The following DPF3 variants were observed in gnomAD, a reference collection of about 807,000 sequenced individuals.
DPF3 encodes zinc finger protein DPF3.
A neutral mutation model predicts 56.8 loss-of-function variants in DPF3; 18 were observed. That is an observed-to-expected ratio of 0.32 (90% confidence interval 0.22 to 0.47). DPF3 has a LOEUF of 0.47. Ranked by LOEUF, DPF3 falls within the 20% of genes least tolerant of loss-of-function variation. The pLI, the probability that DPF3 is intolerant of heterozygous loss-of-function variation, is 1.00. For missense variants in DPF3, 403 were observed against 488.8 expected (o/e 0.82, Z 1.65); for synonymous variants, 188 against 180.2 (o/e 1.04, Z -0.35).
intron 1 of DPF3, among the ~76,000 whole-genome samples, chr14:72,792,794 T>C (rs762506464): frequency 6.6e-6 from 1 of 152,124 alleles, no homozygotes; most frequent in Non-Finnish European, 1.5e-5. Flanking sequence ...TCTCCAGAGC[T>C]GACCTGAACC....
chr14:72,732,720 T>C (rs1031684005), intron 3 of DPF3, among the ~76,000 whole-genome samples: 1 of 152,166 alleles, frequency 6.6e-6, no homozygotes, highest in Non-Finnish European at 1.5e-5. Context: ...GAGCCAGCCC[T>C]GCCCAGAAGA....
At chr14:72,752,279 C>T (rs776231609) in intron 3 of DPF3, among the ~76,000 whole-genome samples, 5 of 152,170 alleles carry the variant, frequency 3.3e-5, no homozygotes, top group Admixed American at 6.5e-5. Context: ...AACAAAGATG[C>T]GTTTAAAGCT....
At chr14:72,768,357 A>G (rs1891376380) in intron 2 of DPF3, among the ~76,000 whole-genome samples, 1 of 152,214 alleles carries the variant, frequency 6.6e-6, no homozygotes, top group Non-Finnish European at 1.5e-5. Context: ...CAACTATATT[A>G]TAAAGGGAGG....
intron 1 of DPF3, among the ~76,000 whole-genome samples, chr14:72,879,565 AG>A (rs1443292149): frequency 3.3e-5 from 5 of 152,064 alleles, no homozygotes; most frequent in Non-Finnish European, 7.4e-5. Context: ...CACCAGGGAG[AG>A]GGACCACTTA....
intron 1 of DPF3, among the ~76,000 whole-genome samples, chr14:72,826,011 G>A (rs946960240): frequency 2.0e-5 from 3 of 152,010 alleles, no homozygotes; most frequent in African/African-American, 7.2e-5. Context: ...GGCAGGGGCG[G>A]GAAAGGAAGG....
intron 1 of DPF3, among the ~76,000 whole-genome samples, chr14:72,876,604 C>A (rs1052567953): frequency 2.0e-5 from 3 of 152,196 alleles, no homozygotes; most frequent in African/African-American, 7.2e-5. Flanking sequence ...TCCCATCTGG[C>A]CTTCCTTCCC....
intron 8 of DPF3, chr14:72,671,569 C>T: frequency 1.4e-6 from 1 of 706,500 alleles, no homozygotes; most frequent in Non-Finnish European, 2.6e-6. Context: ...TACCATAGTA[C>T]ATATGTCCAC....
At chr14:72,817,659 C>G (rs1199751208) in intron 1 of DPF3, among the ~76,000 whole-genome samples, 1 of 152,096 alleles carries the variant, frequency 6.6e-6, no homozygotes, top group East Asian at 1.9e-4. Flanking sequence ...GCCTGGGCAA[C>G]AGAGCAAGAC....
Position 72,750,791 on chromosome 14 carries a change from CAAAAAAA to C in DPF3, c.301+2466_301+2472del, listed in dbSNP as rs35754238. Among the ~76,000 whole-genome samples the C allele has an allele frequency of 1.2e-4, 8 of 65,948 alleles. No individual in the cohort carries two copies. The East Asian group carries it at 3.1e-3, about 26-fold the overall frequency. The allele number at this position is 65,948 out of a possible 152,430, so 43.3% of individuals were successfully genotyped here. A position where few individuals can be genotyped will look rare whatever the true frequency, so the allele number is the denominator to read the frequency against. The stretch of plus-strand genomic sequence containing the variant: ...CATGGATTATCTCTTGAAAGAATCT[CAAAAAAA>C]AAAAAAAAAAAAAAAAAAACCTGCT... On this transcript the variant is annotated intron_variant, in intron 3 of 10. Coordinates refer to ENST00000556509, the MANE Select transcript of DPF3 (RefSeq NM_001280542.3).
chr14:72,698,147 C>T (rs1401278619), intron 6 of DPF3, among the ~76,000 whole-genome samples: 1 of 152,204 alleles, frequency 6.6e-6, no homozygotes, highest in African/African-American at 2.4e-5. Context: ...CTTCCTAGGA[C>T]TAATCACGTG....
intron 8 of DPF3, among the ~76,000 whole-genome samples, chr14:72,636,590 C>A (rs1202079574): frequency 6.6e-6 from 1 of 152,122 alleles, no homozygotes; most frequent in Non-Finnish European, 1.5e-5. Context: ...AGGGATGGAC[C>A]AATTCTGAGC....
chr14:72,816,878 G>A (rs17181909), intron 1 of DPF3, among the ~76,000 whole-genome samples: 1 of 152,106 alleles, frequency 6.6e-6, no homozygotes, highest in East Asian at 1.9e-4. Flanking sequence ...GGAATATCAA[G>A]ATCAATCTTT....
chr14:72,756,852 GAAAGAAAGA>G (rs1890820475), intron 2 of DPF3, among the ~76,000 whole-genome samples: 1 of 87,134 alleles, frequency 1.1e-5, no homozygotes, highest in African/African-American at 4.0e-5. Context: ...AAGAAAGAAA[GAAAGAAAGA>G]AAGAAAGAAA....
chr14:72,879,698 C>G, intron 1 of DPF3: 1 of 1,374,534 alleles, frequency 7.3e-7, no homozygotes, highest in Non-Finnish European at 9.6e-7. Context: ...GCAGTTTGCT[C>G]AGACACCAGG....
At chr14:72,881,475 G>A (rs1221923545) in intron 1 of DPF3, among the ~76,000 whole-genome samples, 2 of 152,080 alleles carry the variant, frequency 1.3e-5, no homozygotes, top group Admixed American at 1.3e-4. Flanking sequence ...GTCGATAGTG[G>A]GAAGCCTGGG....
At position 72,804,260 on chromosome 14, in the gene DPF3, C is replaced by T. The variant is rs144901789; in HGVS notation, c.33-32367G>A. 5.3e-5 allele frequency among the ~76,000 whole-genome samples: 8 copies of T among 151,222 alleles called. 1 individual carries two copies. Among genetic ancestry groups the T allele is most frequent in the African/African-American group, 1.7e-4 (7 of 41,028 alleles). On this transcript the variant is annotated intron_variant, in intron 1 of 10. Coordinates refer to ENST00000556509, the MANE Select transcript of DPF3 (RefSeq NM_001280542.3). ...ATTCCCCCCTTCCAGATCCACACTGCGTGCCTCCTGCCAGCCCCATCCCAT... is the reference window on the plus strand; with the variant it reads ...ATTCCCCCCTTCCAGATCCACACTGTGTGCCTCCTGCCAGCCCCATCCCAT...
chr14:72,733,223 C>T (rs534450776), intron 3 of DPF3, among the ~76,000 whole-genome samples: 11 of 152,180 alleles, frequency 7.2e-5, no homozygotes, highest in South Asian at 2.1e-4. Flanking sequence ...ATATGTGGTC[C>T]TTACCATTGC....
intron 5 of DPF3, among the ~76,000 whole-genome samples, chr14:72,715,498 A>G (rs1323382797): frequency 6.6e-6 from 1 of 152,134 alleles, no homozygotes; most frequent in Non-Finnish European, 1.5e-5. Flanking sequence ...AGGAAGGGGC[A>G]GCAGGTGAGG....
chr14:72,863,158 G>A lies in DPF3; in HGVS notation c.32+30899C>T, dbSNP rs1279528701. Among the ~76,000 whole-genome samples, 87 of 57,722 alleles carry A rather than the reference G, an allele frequency of 1.5e-3. 2 individuals carry two copies. Among genetic ancestry groups the A allele is most frequent in the African/African-American group, 6.4e-3 (77 of 12,066 alleles). 37.9% of individuals were successfully genotyped at this position (57,722 alleles called of 152,430 possible). A position where few individuals can be genotyped will look rare whatever the true frequency, so the allele number is the denominator to read the frequency against. The stretch of plus-strand genomic sequence containing the variant: ...TGTGTATATATATATGTGTGTGTGT[G>A]TGTGTGTGTGTGTGTGTGTGTATCC... On this transcript the variant is annotated intron_variant, in intron 1 of 10. Transcript: ENST00000556509.
Sources: allele counts gnomAD v4.1 joint callset (sites outside exome capture counted in the v4.1 genomes callset), GRCh38; gene constraint gnomAD v4.1.1; transcripts MANE v1.5; gene names NCBI Gene and HGNC (gene_info 2026-07-23, HGNC 2026-07-21).